Variants in DSE observed in about 807,000 individuals in gnomAD.
The protein encoded by DSE is dermatan-sulfate epimerase.
Under a neutral mutation model 84.4 loss-of-function variants are expected in DSE, and 36 were observed. The ratio of observed to expected loss-of-function variants is 0.43; its 90% CI spans 0.33 to 0.56. The LOEUF is 0.56. Among genes scored for constraint, DSE ranks in the 20% least tolerant of loss-of-function variants. The pLI is 0.06. For synonymous variants in DSE, 410 were observed against 430.1 expected, an observed-to-expected ratio of 0.95 and a Z score of 0.58; for missense variants, 862 against 1,169.6, an observed-to-expected ratio of 0.74 and a Z score of 3.84.
Position 116,437,667 on chromosome 6 carries a change from G to A in DSE, c.*322G>A, listed in dbSNP as rs949345040. The A allele has an allele frequency of 5.4e-6, 1 of 185,292 alleles. No homozygotes were observed. The highest frequency in any genetic ancestry group is 2.4e-5 in the African/African-American group (1 of 42,518). 11.5% of individuals were successfully genotyped at this position (185,292 alleles called of 1,614,324 possible). A position where few individuals can be genotyped will look rare whatever the true frequency, so the allele number is the denominator to read the frequency against. ...GTAATGTTTTTTCTTATGAGAAAAA[G>A]GTTTAGATAGAATTGGGTTTTATTA... On this transcript the variant is annotated 3_prime_UTR_variant, in exon 6 of 6. Transcript: ENST00000644252.
chr6:116,380,573 C>T (rs1157863080), intron 1 of DSE, among the ~76,000 whole-genome samples: 2 of 152,138 alleles, frequency 1.3e-5, no homozygotes, highest in Non-Finnish European at 2.9e-5. Context: ...GCTGCCAGGT[C>T]AAGGAGAACT....
chr6:116,301,352 A>G (rs1775028549), intron 2 of DSE, among the ~76,000 whole-genome samples: 1 of 152,122 alleles, frequency 6.6e-6, no homozygotes, highest in Admixed American at 6.5e-5. Context: ...CCTTGGCCTT[A>G]CCCATGTGCA....
At chr6:116,293,145 G>A (rs1774400124) in intron 2 of DSE, among the ~76,000 whole-genome samples, 1 of 152,124 alleles carries the variant, frequency 6.6e-6, no homozygotes. Context: ...AGAATTCAAA[G>A]AAGAAAATAA....
intron 2 of DSE, among the ~76,000 whole-genome samples, chr6:116,337,672 C>A (rs1421994257): frequency 6.6e-6 from 1 of 151,894 alleles, no homozygotes; most frequent in Non-Finnish European, 1.5e-5. Context: ...CGGCATTAAT[C>A]CAGATAAATT....
At chr6:116,380,356 G>C (rs1275917950) in intron 1 of DSE, among the ~76,000 whole-genome samples, 5 of 152,012 alleles carry the variant, frequency 3.3e-5, no homozygotes, top group African/African-American at 4.8e-5. Flanking sequence ...AAGAATAACT[G>C]AATATGAAAC....
chr6:116,375,543 A>G (rs977498212), intron 1 of DSE: 9 of 985,120 alleles, frequency 9.1e-6, no homozygotes, highest in Non-Finnish European at 9.6e-6. Context: ...ATGTATCCCA[A>G]ATTTCTATCA....
At chr6:116,342,285 T>TG (rs1015387181) in intron 2 of DSE, among the ~76,000 whole-genome samples, 1 of 150,954 alleles carries the variant, frequency 6.6e-6, no homozygotes, top group African/African-American at 2.4e-5. Context: ...GTTGCTGTTT[T>TG]TTTTTTTTTT....
At chr6:116,321,408 A>G (rs1776311342) in intron 2 of DSE, among the ~76,000 whole-genome samples, 1 of 76,680 alleles carries the variant, frequency 1.3e-5, no homozygotes, top group East Asian at 5.4e-4. Flanking sequence ...TCCTGGCCTC[A>G]TGCAGTCCTC....
chr6:116,415,277 A>G (rs1284111347), intron 2 of DSE, among the ~76,000 whole-genome samples: 3 of 151,980 alleles, frequency 2.0e-5, no homozygotes, highest in African/African-American at 7.2e-5. Flanking sequence ...TTTATTGTAT[A>G]CTAGTGTCTA....
At chr6:116,383,895 G>T (rs969750071) in intron 1 of DSE, among the ~76,000 whole-genome samples, 2 of 152,148 alleles carry the variant, frequency 1.3e-5, no homozygotes. Context: ...TTCCTGACTG[G>T]TAACATTTCA....
At chr6:116,370,078 G>A (rs983827380), upstream of DSE, 21 of 646,234 alleles carry the variant, frequency 3.2e-5, no homozygotes, top group Non-Finnish European at 3.9e-5. Context: ...GGACCTGGCT[G>A]AGCGTGTTTG....
At chr6:116,274,503 C>T (rs534229781) in intron 2 of DSE, among the ~76,000 whole-genome samples, 39 of 151,504 alleles carry the variant, frequency 2.6e-4, no homozygotes, top group African/African-American at 9.2e-4. Flanking sequence ...GCAGAGGTTG[C>T]GGTGAGCGGA....
chr6:116,358,850 G>A (rs1296676269), intron 2 of DSE, among the ~76,000 whole-genome samples: 2 of 152,074 alleles, frequency 1.3e-5, no homozygotes, highest in African/African-American at 4.8e-5. Context: ...ATGCTTTATT[G>A]TGTTTATCAG....
chr6:116,274,979 A>G lies in DSE; in HGVS notation c.-54+16012A>G, dbSNP rs370288073. On this transcript the variant is annotated intron_variant, in intron 2 of 3. Coordinates refer to the DSE transcript ENST00000430252. ...ACTAGTAGCCACATTAAACAATGGCAAAATGAGGATAATTAATTTTTCAAT... is the reference window on the plus strand; with the variant it reads ...ACTAGTAGCCACATTAAACAATGGCGAAATGAGGATAATTAATTTTTCAAT... Among the ~76,000 whole-genome samples, 237 of 152,378 alleles carry G rather than the reference A, an allele frequency of 1.6e-3. 1 individual carries two copies. The highest frequency in any genetic ancestry group is 5.4e-3 in the African/African-American group (224 of 41,582).
At chr6:116,372,096 T>G (rs1418907144) in intron 1 of DSE, among the ~76,000 whole-genome samples, 7 of 152,364 alleles carry the variant, frequency 4.6e-5, no homozygotes, top group African/African-American at 1.7e-4. Context: ...ATTAAATGCA[T>G]GAAAGATCTC....
chr6:116,399,427 G>A lies in DSE; in HGVS notation c.177G>A (p.Arg59=), dbSNP rs768914815. 2 of 1,614,188 alleles carry A rather than the reference G, an allele frequency of 1.2e-6. No individual in the cohort carries two copies. ...SRAEVAELQL[R]AASSHEHIAA... is the part of the protein sequence containing the mutation. ...CAGAAGTGGCGGAGCTGCAGCTCAGGGCTGCCAGCTCGCACGAGCACATTG... is the reference window on the plus strand; with the variant it reads ...CAGAAGTGGCGGAGCTGCAGCTCAGAGCTGCCAGCTCGCACGAGCACATTG... Residue 59 remains arginine (R), a synonymous_variant, in exon 2 of 6, where the codon AGG becomes AGA. Transcript: ENST00000644252.
At chr6:116,357,853 C>T (rs1778665616) in intron 2 of DSE, among the ~76,000 whole-genome samples, 1 of 152,120 alleles carries the variant, frequency 6.6e-6, no homozygotes, top group Non-Finnish European at 1.5e-5. Flanking sequence ...AGTGCAGATG[C>T]ATAGAAATGC....
At chr6:116,421,464 T>TATATATATATATATA (rs57759351) in intron 2 of DSE, among the ~76,000 whole-genome samples, 21 of 39,798 alleles carry the variant, frequency 5.3e-4, no homozygotes, top group African/African-American at 2.6e-3. Flanking sequence ...TATATATATA[T>TATATATATATATATA]TTTTTTTTTT....
chr6:116,414,949 TCATCTTTTTGAAGAAGTAATGCTG>T (rs1444552990), intron 2 of DSE, among the ~76,000 whole-genome samples: 6 of 152,234 alleles, frequency 3.9e-5, no homozygotes, highest in Non-Finnish European at 7.3e-5. Context: ...TAAAAATAAT[TCATCTTTTTGAAGAAGTAATGCTG>T]CATCTTTTTG....
Sources: gnomAD v4.1 joint callset for allele counts (sites outside exome capture counted in the v4.1 genomes callset) on GRCh38, gnomAD v4.1.1 for gene constraint, MANE v1.5 for transcripts, NCBI Gene and HGNC (gene_info 2026-07-23, HGNC 2026-07-21) for gene names.